HSPA4: variants seen among roughly 807,000 people sequenced by gnomAD.
HSPA4 encodes the protein heat shock 70 kDa protein 4.
Under a neutral mutation model 106.2 loss-of-function variants are expected in HSPA4, and 25 were observed. The ratio of observed to expected loss-of-function variants is 0.24; its 90% CI spans 0.17 to 0.33. The LOEUF (loss-of-function observed/expected upper bound fraction) is 0.33, where lower values mean the gene tolerates loss of function less well. HSPA4 is among the 10% of genes least tolerant of loss of function. The pLI, the probability that HSPA4 is intolerant of heterozygous loss-of-function variation, is 1.00. For missense variants in HSPA4, 841 were observed against 996.0 expected, an observed-to-expected ratio of 0.84 and a Z score of 2.10; for synonymous variants, 332 against 333.6, an observed-to-expected ratio of 1.00 and a Z score of 0.05.
intron 7 of HSPA4, among the ~76,000 whole-genome samples, chr5:133,078,635 CAAAAAAAAAAAA>C (rs57393822): frequency 0.029 from 2,341 of 79,604 alleles, 38 homozygotes; most frequent in Middle Eastern, 0.069. Flanking sequence ...ACACTGTCTC[CAAAAAAAAAAAA>C]AAAAAAAAAA....
intron 17 of HSPA4, among the ~76,000 whole-genome samples, chr5:133,102,259 A>G (rs1765795025): frequency 6.6e-6 from 1 of 152,128 alleles, no homozygotes; most frequent in East Asian, 1.9e-4. Flanking sequence ...GCATTTACAT[A>G]GCATTTTTTT....
At chr5:133,092,082 TC>T (rs1765654274) in intron 12 of HSPA4, among the ~76,000 whole-genome samples, 1 of 152,130 alleles carries the variant, frequency 6.6e-6, no homozygotes, top group South Asian at 2.1e-4. Context: ...TTGGGTTTCA[TC>T]CCCACAGATT....
At chr5:133,056,746 CT>C (rs1177236090) in intron 1 of HSPA4, among the ~76,000 whole-genome samples, 1 of 152,104 alleles carries the variant, frequency 6.6e-6, no homozygotes, top group Non-Finnish European at 1.5e-5. Flanking sequence ...AAGGGATATA[CT>C]GTATATACTT....
intron 3 of HSPA4, among the ~76,000 whole-genome samples, chr5:133,070,164 C>A (rs1225302608): frequency 6.6e-6 from 1 of 151,724 alleles, no homozygotes; most frequent in East Asian, 1.9e-4. Flanking sequence ...GAGAGAGAGA[C>A]CCTGCCTCCA....
intron 4 of HSPA4, among the ~76,000 whole-genome samples, 161 bp from the exon 5 acceptor site, chr5:133,073,069 T>C (rs1262923981): frequency 6.6e-6 from 1 of 152,222 alleles, no homozygotes; most frequent in Non-Finnish European, 1.5e-5. Flanking sequence ...TTGTTTATCC[T>C]AACACTGCTT....
chr5:133,071,932 T>A (rs1264401115), intron 4 of HSPA4, among the ~76,000 whole-genome samples: 2 of 152,198 alleles, frequency 1.3e-5, no homozygotes, highest in Non-Finnish European at 2.9e-5. Flanking sequence ...ATTTCTTAGA[T>A]GTTTCCTACC....
intron 12 of HSPA4, among the ~76,000 whole-genome samples, chr5:133,092,395 G>T (rs1427723710): frequency 6.6e-6 from 1 of 152,166 alleles, no homozygotes; most frequent in African/African-American, 2.4e-5. Context: ...TTTGTAGATT[G>T]TATTAAATGA....
At chr5:133,077,960 G>C (rs184946737) in intron 7 of HSPA4, among the ~76,000 whole-genome samples, 1 of 152,256 alleles carries the variant, frequency 6.6e-6, no homozygotes, top group Non-Finnish European at 1.5e-5. Flanking sequence ...GAAATGTTAC[G>C]TGTTTGTAAG....
chr5:133,074,232 AC>A lies in HSPA4; in HGVS notation c.663+108del, dbSNP rs200985679. On this transcript the variant is annotated intron_variant, in intron 6 of 18. Transcript: ENST00000304858. ...CTACAATATGGGAGAAACAATGCATACCTTACAGGGTTATTCAGAGGATTTT... is the reference window on the plus strand; with the variant it reads ...CTACAATATGGGAGAAACAATGCATACTTACAGGGTTATTCAGAGGATTTT... 987 of 668,584 alleles carry A rather than the reference AC, an allele frequency of 1.5e-3. 7 individuals are homozygous for A. The highest frequency in any genetic ancestry group is 0.014 in the African/African-American group (735 of 53,400). The allele number at this position is 668,584 out of a possible 1,614,324, so 41.4% of individuals were successfully genotyped here.
In HSPA4 at chr5:133,104,532, T is replaced by A. The variant is rs185596478; in HGVS notation, c.*96T>A. On this transcript the variant is annotated 3_prime_UTR_variant, in exon 19 of 19. Transcript: ENST00000304858. ...ACTAGCGCAAGTGAATACTGAAGAT[T>A]TCTTAGTCAGTTTTTAGGGGATTTT... 8.7e-7 allele frequency: 1 copy of A among 1,146,022 alleles called. No individual in the cohort carries two copies. 71.0% of individuals were successfully genotyped at this position (1,146,022 alleles called of 1,614,324 possible).
chr5:133,086,187 T>C (rs1232045342), intron 7 of HSPA4, among the ~76,000 whole-genome samples: 1 of 152,140 alleles, frequency 6.6e-6, no homozygotes, highest in African/African-American at 2.4e-5. Context: ...TGCACTCCAG[T>C]CTGGGCAATA....
At position 133,106,111 on chromosome 5, in the gene HSPA4, T is replaced by A. The variant is rs1330948894; in HGVS notation, c.*1675T>A. ...TCTTAAAAAAAAAAAAATTTTTTTT[T>A]TTTTTTTTTTTTTTTTTTTTTTTTT... On this transcript the variant is annotated 3_prime_UTR_variant, in exon 19 of 19. Coordinates refer to ENST00000304858, the MANE Select transcript of HSPA4 (RefSeq NM_002154.4). 4.8e-4 allele frequency: 23 copies of A among 47,704 alleles called. 2 individuals carry two copies. Among genetic ancestry groups the A allele is most frequent in the Admixed American group, 5.0e-4 (3 of 5,970 alleles). 3.0% of individuals were successfully genotyped at this position (47,704 alleles called of 1,614,324 possible). A position where few individuals can be genotyped will look rare whatever the true frequency, so the allele number is the denominator to read the frequency against.
intron 1 of HSPA4, chr5:133,053,069 A>C (rs973329179): frequency 6.6e-5 from 10 of 152,248 alleles, no homozygotes; most frequent in Admixed American, 4.6e-4. Flanking sequence ...ATAGGGTTGC[A>C]CTTTAACGAT....
chr5:133,084,238 T>C (rs1765550758), intron 7 of HSPA4, among the ~76,000 whole-genome samples: 1 of 152,242 alleles, frequency 6.6e-6, no homozygotes, highest in African/African-American at 2.4e-5. Flanking sequence ...AGCATAAAAT[T>C]GAGATTCATT....
chr5:133,073,962 A>T, intron 5 of HSPA4, 31 bp from the exon 6 acceptor site: 1 of 1,497,096 alleles, frequency 6.7e-7, no homozygotes. Context: ...CTTAGACGTT[A>T]TTTTTAATTT....
intron 1 of HSPA4, among the ~76,000 whole-genome samples, chr5:133,054,991 C>T (rs1209685290): frequency 1.3e-5 from 2 of 152,146 alleles, no homozygotes; most frequent in African/African-American, 2.4e-5. Context: ...TCACATGCTC[C>T]TGTTTTTCTT....
intron 7 of HSPA4, among the ~76,000 whole-genome samples, chr5:133,079,016 G>A (rs1016928556): frequency 6.6e-6 from 1 of 152,184 alleles, no homozygotes; most frequent in South Asian, 2.1e-4. Context: ...TTACAGGCAC[G>A]AGATACTGTG....
intron 1 of HSPA4, among the ~76,000 whole-genome samples, chr5:133,053,592 C>T (rs957623686): frequency 3.9e-5 from 6 of 152,100 alleles, no homozygotes; most frequent in Non-Finnish European, 8.8e-5. Flanking sequence ...TCAAGCAGTC[C>T]TCCAGCCTCG....
rs970672012 is a variant in HSPA4, at chr5:133,052,242, G to A, written c.-9G>A. On this transcript the variant is annotated 5_prime_UTR_variant, in exon 1 of 19. Coordinates refer to ENST00000304858, the MANE Select transcript of HSPA4 (RefSeq NM_002154.4). ...GACCCGGGCCCGAGCCCGAGCAGTAGCCGGCGCCATGTCGGTGGTGGGCAT... is the reference window on the plus strand; with the variant it reads ...GACCCGGGCCCGAGCCCGAGCAGTAACCGGCGCCATGTCGGTGGTGGGCAT... 9 of 1,574,366 alleles carry A rather than the reference G, an allele frequency of 5.7e-6. No homozygotes were observed. The highest frequency in any genetic ancestry group is 2.3e-5 in the East Asian group (1 of 43,220).
Sources: allele counts gnomAD v4.1 joint callset (sites outside exome capture counted in the v4.1 genomes callset), GRCh38; gene constraint gnomAD v4.1.1; transcripts MANE v1.5; gene names NCBI Gene and HGNC (gene_info 2026-07-23, HGNC 2026-07-21).